The following RAPGEFL1 variants were observed in gnomAD, a reference collection of about 807,000 sequenced individuals.
RAPGEFL1 encodes the protein Rap guanine nucleotide exchange factor like 1.
In RAPGEFL1, 31 loss-of-function variants were observed where a neutral mutation model predicts 64.4. The observed-to-expected ratio is 0.48, with a 90% confidence interval of 0.36 to 0.65. The LOEUF (loss-of-function observed/expected upper bound fraction) is 0.65. RAPGEFL1 is among the 30% of genes least tolerant of loss of function. RAPGEFL1 has a pLI of 0.00. For synonymous variants in RAPGEFL1, 331 were observed against 274.1 expected (o/e 1.21, Z -2.05); for missense variants, 682 against 677.4 (o/e 1.01, Z -0.08).
In RAPGEFL1 at chr17:40,177,968, G is replaced by T. The variant is rs1598436258; in HGVS notation, c.107G>T (p.Gly36Val). The T allele has an allele frequency of 6.3e-6, 3 of 477,324 alleles. No homozygotes were observed. Among genetic ancestry groups the T allele is most frequent in the East Asian group, 3.5e-5 (1 of 28,218 alleles). The allele number at this position is 477,324 out of a possible 1,614,324, so 29.6% of individuals were successfully genotyped here. A position where few individuals can be genotyped will look rare whatever the true frequency, so the allele number is the denominator to read the frequency against. ...GGLGSCGGPG[G>V]GGGPGGGGGP... The stretch of plus-strand genomic sequence containing the variant: ...CTGGGGAGCTGCGGTGGGCCTGGAG[G>T]GGGTGGGGGACCCGGCGGGGGCGGC... Residue 36 changes from glycine (G) to valine (V), a missense_variant, in exon 1 of 15, where the codon GGG (glycine) becomes GTG (valine). Gly to Val is a moderately radical substitution (Grantham distance 109). This residue lies in a region of RAPGEFL1 where 271 missense variants were observed against 158.0 expected (regional missense o/e 1.72). Transcript: ENST00000620260.
At chr17:40,181,321 TATCTGACC>T (rs1989886915) in intron 1 of RAPGEFL1, 1 of 545,302 alleles carries the variant, frequency 1.8e-6, no homozygotes, top group Non-Finnish European at 3.5e-6. Flanking sequence ...CTTGGTGTGT[TATCTGACC>T]AACTTCCCAC....
At chr17:40,187,848 C>G (rs892379679) in intron 4 of RAPGEFL1, among the ~76,000 whole-genome samples, 21 of 150,764 alleles carry the variant, frequency 1.4e-4, no homozygotes, top group Non-Finnish European at 2.9e-4. Flanking sequence ...CTCCTGACCT[C>G]GTGATCCGCC....
Position 40,178,381 on chromosome 17 carries a change from G to C in RAPGEFL1, c.520G>C (p.Asp174His). 1 of 508,288 alleles carries C rather than the reference G, an allele frequency of 2.0e-6. No homozygotes were observed. Among genetic ancestry groups the C allele is most frequent in the Non-Finnish European group, 3.5e-6 (1 of 283,558 alleles). The allele number at this position is 508,288 out of a possible 1,614,324, so 31.5% of individuals were successfully genotyped here. The change falls in exon 1 of 15, where the codon GAT (aspartate) becomes CAT (histidine). Residue 174 changes from aspartate (D) to histidine (H), a missense_variant and splice_region_variant. Asp to His is a moderately conservative substitution (Grantham distance 81). Around this residue, in one of 2 missense-constraint regions of RAPGEFL1, gnomAD observed 271 missense variants for 158.0 expected, o/e 1.72. Transcript: ENST00000620260. ...GGCTACCAGGGACAGCGCCGCCTCA[G>C]GTAAGGAGCCGGTGGGCTCGAACAC... ...GGATRDSAAS[D>H]ILLDDIVLTH...
At chr17:40,178,996 G>A (rs1312242551) in intron 1 of RAPGEFL1, among the ~76,000 whole-genome samples, 1 of 152,150 alleles carries the variant, frequency 6.6e-6, no homozygotes, top group Non-Finnish European at 1.5e-5. Flanking sequence ...CCGGCATCAT[G>A]GCCCTGCAGC....
At chr17:40,189,938 G>A (rs1161497832) in intron 6 of RAPGEFL1, among the ~76,000 whole-genome samples, 1 of 144,318 alleles carries the variant, frequency 6.9e-6, no homozygotes, top group African/African-American at 2.7e-5. Flanking sequence ...TGGGCAACAA[G>A]AGCGAAACTC....
At position 40,193,821 on chromosome 17, in the gene RAPGEFL1, T is replaced by C. The variant is rs1248078579; in HGVS notation, c.*33T>C. 3 of 1,613,270 alleles carry C rather than the reference T, an allele frequency of 1.9e-6. No homozygotes were observed. Among genetic ancestry groups the C allele is most frequent in the Non-Finnish European group, 2.5e-6 (3 of 1,179,576 alleles). ...GGCTCCAGTCAGACCCGCCAGATCC[T>C]TGGGCACCTGGCACTCAAGCACTTT... is the stretch of plus-strand genomic sequence containing the variant. On this transcript the variant is annotated 3_prime_UTR_variant, in exon 15 of 15. Transcript: ENST00000620260.
intron 12 of RAPGEFL1, 42 bp downstream of exon 12, chr17:40,192,735 T>C: frequency 6.4e-7 from 1 of 1,565,326 alleles, no homozygotes; most frequent in Non-Finnish European, 8.8e-7. Flanking sequence ...CCACCCATGC[T>C]TCCCTTCTCC....
rs1017696762 is a variant in RAPGEFL1 at position 40,191,382 on chromosome 17, C to A, written c.1402C>A (p.Leu468Met). Reference sequence around the variant, plus strand: ...CCGGGAGACGGCCAACTTGGAGCTGCTGCTGCAGCGCTGCAGCGAGGTCAC... The same window carrying A: ...CCGGGAGACGGCCAACTTGGAGCTGATGCTGCAGCGCTGCAGCGAGGTCAC... ...GRRETANLEL[L>M]LQRCSEVTHW... Residue 468 changes from leucine (L) to methionine (M), a missense_variant, in exon 9 of 15, where the codon CTG becomes ATG. This residue lies in a region of RAPGEFL1 where 411 missense variants were observed against 519.4 expected (regional missense o/e 0.79). Transcript: ENST00000620260. This position sits in a 1 kb window ranked among gnomAD's most constrained non-coding sequence, Gnocchi z 5.1. 6.3e-7 allele frequency: 1 copy of A among 1,599,370 alleles called. No individual in the cohort carries two copies. Among genetic ancestry groups the A allele is most frequent in the Non-Finnish European group, 8.5e-7 (1 of 1,177,490 alleles).
intron 1 of RAPGEFL1, among the ~76,000 whole-genome samples, chr17:40,180,085 ATCTTACTCT>A (rs1989848783): frequency 6.6e-6 from 1 of 152,114 alleles, no homozygotes; most frequent in South Asian, 2.1e-4. Context: ...ACTCTGCCCC[ATCTTACTCT>A]TCCTTTGCTC....
Position 40,192,573 on chromosome 17 carries a change from C to G in RAPGEFL1, c.1657-33C>G, listed in dbSNP as rs1380641010. The G allele has an allele frequency of 1.9e-6, 3 of 1,564,150 alleles. No individual in the cohort carries two copies. The East Asian group carries it at 6.7e-5, about 35-fold the overall frequency. ...ACATCTTTGGGATGCATTGGCCAGT[C>G]TGTCCCTTGATCTCTCTCCTGTGGA... On this transcript the variant is annotated intron_variant, in intron 11 of 14. Coordinates refer to ENST00000620260, the MANE Select transcript of RAPGEFL1 (RefSeq NM_016339.6).
At position 40,190,775 on chromosome 17, in the gene RAPGEFL1, G is replaced by A; in HGVS notation, c.1335+13G>A. 2 of 1,613,984 alleles carry A rather than the reference G, an allele frequency of 1.2e-6. No homozygotes were observed. The highest frequency in any genetic ancestry group is 1.7e-5 in the Admixed American group (1 of 59,986). Reference sequence around the variant, plus strand: ...ATGTGTGCATGAGGTGGGGACCGAGGCTGGTGCTATGCTGGGGGGCTGGAG... The same window carrying A: ...ATGTGTGCATGAGGTGGGGACCGAGACTGGTGCTATGCTGGGGGGCTGGAG... On this transcript the variant is annotated intron_variant, in intron 8 of 14. Transcript: ENST00000620260.
intron 4 of RAPGEFL1, among the ~76,000 whole-genome samples, chr17:40,186,560 G>A (rs1051279978): frequency 8.8e-6 from 1 of 113,460 alleles, no homozygotes; most frequent in African/African-American, 3.4e-5. Context: ...GGGCGACAGA[G>A]CGAGACTCCG....
At chr17:40,192,300 G>C in intron 11 of RAPGEFL1, 37 bp downstream of exon 11, 1 of 1,595,736 alleles carries the variant, frequency 6.3e-7, no homozygotes, top group South Asian at 1.1e-5. Context: ...CTCTTGGACT[G>C]AGAGCCCAGA....
rs368873031 is a variant in RAPGEFL1, at chr17:40,190,651, C to T, written c.1224C>T (p.Pro408=). ...RDSYEALVPL[P]EEIQVSPGDT... is the part of the protein sequence containing the mutation. ...CTGCCTGCCACCAGGTGCCCCTCCC[C>T]GAGGAGATCCAGGTCTCCCCTGGAG... Residue 408 remains proline, a synonymous_variant, in exon 8 of 15, where the codon CCC becomes CCT. Coordinates refer to ENST00000620260, the MANE Select transcript of RAPGEFL1 (RefSeq NM_016339.6). 1.3e-3 allele frequency: 2,086 copies of T among 1,614,104 alleles called. 18 individuals carry two copies. Among genetic ancestry groups the T allele is most frequent in the South Asian group, 0.012 (1,056 of 91,072 alleles).
Position 40,183,835 on chromosome 17 carries a change from C to CT in RAPGEFL1, c.600-353dup, listed in dbSNP as rs34505274. Among the ~76,000 whole-genome samples the CT allele has an allele frequency of 7.9e-3, 447 of 56,878 alleles. 9 individuals carry two copies. The highest frequency in any genetic ancestry group is 0.025 in the Middle Eastern group (1 of 40). The allele number at this position is 56,878 out of a possible 152,430, so 37.3% of individuals were successfully genotyped here. ...CGCGCCTGGCCTTTTTTTTTTTTGC[C>CT]TTTTTTTTTTTTTTTTTTTTTTTTT... is the stretch of plus-strand genomic sequence containing the variant. On this transcript the variant is annotated intron_variant, in intron 2 of 14. Transcript: ENST00000620260.
At chr17:40,192,536 A>C in intron 11 of RAPGEFL1, 70 bp from the exon 12 acceptor site, 1 of 1,316,462 alleles carries the variant, frequency 7.6e-7, no homozygotes, top group South Asian at 1.2e-5. Context: ...GGGGTGAGGG[A>C]GGAAGCTGAG....
intron 6 of RAPGEFL1, among the ~76,000 whole-genome samples, chr17:40,189,882 G>A (rs1025757546): frequency 6.6e-6 from 1 of 151,918 alleles, no homozygotes; most frequent in African/African-American, 2.4e-5. Flanking sequence ...CTTGAACCGC[G>A]GAGGCGGAGG....
chr17:40,188,831 C>G (rs759626463), intron 4 of RAPGEFL1, 35 bp from the exon 5 acceptor site: 2 of 1,559,246 alleles, frequency 1.3e-6, no homozygotes, highest in Admixed American at 3.3e-5. Flanking sequence ...ATATGCCTGG[C>G]AGGGCGTGCT....
chr17:40,187,813 T>G (rs145315610), intron 4 of RAPGEFL1, among the ~76,000 whole-genome samples: 2,333 of 150,136 alleles, frequency 0.016, 82 homozygotes, highest in African/African-American at 0.054. Flanking sequence ...CGGGGTTTCA[T>G]CGTGTTAGCC....
Sources: gnomAD v4.1 joint callset for allele counts (sites outside exome capture counted in the v4.1 genomes callset) on GRCh38, gnomAD v4.1.1 for gene constraint, gnomAD v4.1.1 regional missense constraint, Gnocchi (gnomAD v3.1) non-coding constraint, MANE v1.5 for transcripts, NCBI Gene and HGNC (gene_info 2026-07-23, HGNC 2026-07-21) for gene names.